Variants in MAK observed in about 807,000 individuals in gnomAD.
The protein encoded by MAK is male germ cell associated kinase, also known as serine/threonine-protein kinase MAK.
A neutral mutation model predicts 82.6 loss-of-function variants in MAK; 65 were observed. The ratio of observed to expected loss-of-function variants is 0.79; its 90% CI spans 0.64 to 0.97. The LOEUF is 0.97. Among genes scored for constraint, MAK ranks in the 50% least tolerant of loss-of-function variants. The pLI is 0.00. For missense variants in MAK, 703 were observed against 780.2 expected, an observed-to-expected ratio of 0.90 and a Z score of 1.18; for synonymous variants, 250 against 274.2, an observed-to-expected ratio of 0.91 and a Z score of 0.87.
rs114432772 is a variant in MAK at position 10,809,001 on chromosome 6, A to G, written c.359-59T>C. The stretch of plus-strand genomic sequence containing the variant: ...AATCATTACGTTTAAACATAGCTTT[A>G]TTTGATTTATAAACAAAATATAAAT... On this transcript the variant is annotated intron_variant, in intron 5 of 14. Coordinates refer to ENST00000354489, the MANE Select transcript of MAK (RefSeq NM_001242957.3). The G allele has an allele frequency of 5.6e-3, 7,896 of 1,418,628 alleles. 171 individuals carry two copies. The highest frequency in any genetic ancestry group is 0.046 in the African/African-American group (3,260 of 70,846). The allele number at this position is 1,418,628 out of a possible 1,614,324, so 87.9% of individuals were successfully genotyped here.
At chr6:10,780,808 C>A (rs1368331154) in intron 11 of MAK, among the ~76,000 whole-genome samples, 1 of 152,094 alleles carries the variant, frequency 6.6e-6, no homozygotes, top group Non-Finnish European at 1.5e-5. Flanking sequence ...CTCTCATGAA[C>A]CTATGTTTTG....
chr6:10,814,815 G>A (rs985776353), intron 4 of MAK, among the ~76,000 whole-genome samples: 2 of 152,204 alleles, frequency 1.3e-5, no homozygotes, highest in African/African-American at 4.8e-5. Context: ...GGAGGCCAAG[G>A]TGGGTGGAGG....
intron 11 of MAK, among the ~76,000 whole-genome samples, chr6:10,775,715 T>C (rs1773404914): frequency 6.6e-6 from 1 of 152,230 alleles, no homozygotes; most frequent in South Asian, 2.1e-4. Flanking sequence ...TAACACTTGA[T>C]GTTCTTGCTA....
chr6:10,766,771 T>A (rs1772478428), intron 14 of MAK, among the ~76,000 whole-genome samples: 1 of 152,058 alleles, frequency 6.6e-6, no homozygotes, highest in Non-Finnish European at 1.5e-5. Flanking sequence ...GGCTAATGGG[T>A]GTGGCTCTGA....
chr6:10,825,702 T>C (rs887717098), intron 2 of MAK, among the ~76,000 whole-genome samples: 7 of 152,046 alleles, frequency 4.6e-5, no homozygotes, highest in Non-Finnish European at 1.5e-5. Flanking sequence ...TAAGCCAGAA[T>C]CCCAGGAGTT....
intron 11 of MAK, chr6:10,779,253 G>A (rs1472278360): frequency 4.8e-6 from 4 of 836,834 alleles, no homozygotes; most frequent in Non-Finnish European, 5.8e-6. Context: ...AGAGGGCACT[G>A]CTGAGAGATT....
Position 10,829,517 on chromosome 6 carries a change from G to A in MAK, c.101+1031C>T, listed in dbSNP as rs566230314. 1.9e-4 allele frequency among the ~76,000 whole-genome samples: 29 copies of A among 152,260 alleles called. No homozygotes were observed. The South Asian group carries it at 4.8e-3, about 25-fold the overall frequency. Reference sequence around the variant, plus strand: ...GGAAGTCAGGACTGCAGTGAGCCATGATCACACCACTGCACGCCAGCCTGG... The same window carrying A: ...GGAAGTCAGGACTGCAGTGAGCCATAATCACACCACTGCACGCCAGCCTGG... On this transcript the variant is annotated intron_variant, in intron 2 of 14. Coordinates refer to ENST00000354489, the MANE Select transcript of MAK (RefSeq NM_001242957.3).
chr6:10,830,940 G>T, intron 1 of MAK, 63 bp from the exon 2 acceptor site: 1 of 387,498 alleles, frequency 2.6e-6, no homozygotes, highest in South Asian at 2.4e-5. Context: ...AAATTGTACT[G>T]GCAACTTAGA....
At chr6:10,788,862 A>G (rs1158101449) in intron 10 of MAK, among the ~76,000 whole-genome samples, 1 of 152,246 alleles carries the variant, frequency 6.6e-6, no homozygotes, top group Non-Finnish European at 1.5e-5. Context: ...ACATCTTTAA[A>G]TAGACATCTA....
chr6:10,783,938 A>G (rs1308245986), intron 11 of MAK, among the ~76,000 whole-genome samples: 4 of 151,992 alleles, frequency 2.6e-5, no homozygotes, highest in Non-Finnish European at 5.9e-5. Flanking sequence ...AGAATGGCTT[A>G]AACCTGGGAG....
intron 9 of MAK, among the ~76,000 whole-genome samples, chr6:10,794,776 T>C (rs1413179397): frequency 6.6e-6 from 1 of 152,124 alleles, no homozygotes; most frequent in African/African-American, 2.4e-5. Context: ...GTGGATCACC[T>C]GAGGTCAGGA....
intron 10 of MAK, 108 bp from the exon 11 acceptor site, chr6:10,784,680 T>C (rs1463744736): frequency 1.0e-6 from 1 of 978,310 alleles, no homozygotes; most frequent in Admixed American, 1.8e-5. Flanking sequence ...CCAGTCAATC[T>C]GACCTCACTT....
chr6:10,826,173 C>T (rs1241945200), intron 2 of MAK, among the ~76,000 whole-genome samples: 2 of 152,140 alleles, frequency 1.3e-5, no homozygotes, highest in Non-Finnish European at 2.9e-5. Context: ...CCCAGTTAGG[C>T]CCTCACACAC....
Position 10,802,027 on chromosome 6 carries a change from G to A in MAK, c.696C>T (p.Ser232=). 1 of 1,614,144 alleles carries A rather than the reference G, an allele frequency of 6.2e-7. No individual in the cohort carries two copies. Among genetic ancestry groups the A allele is most frequent in the Non-Finnish European group, 8.5e-7 (1 of 1,180,016 alleles). ...ACTGGGGAAAACGGAAGTTCATAGA[G>A]GATGCCAGCTGGTATCCTTCTGGCC... ...SDWPEGYQLA[S]SMNFRFPQCV... The change falls in exon 8 of 15, where the codon TCC becomes TCT. Residue 232 remains serine, a synonymous_variant. Transcript: ENST00000354489.
chr6:10,764,247 T>C lies in MAK; in HGVS notation c.*205A>G, dbSNP rs1320428861. The C allele has an allele frequency of 1.7e-6, 1 of 588,292 alleles. No individual in the cohort carries two copies. Among genetic ancestry groups the C allele is most frequent in the Non-Finnish European group, 3.0e-6 (1 of 331,788 alleles). The allele number at this position is 588,292 out of a possible 1,614,324, so 36.4% of individuals were successfully genotyped here. A position where few individuals can be genotyped will look rare whatever the true frequency, so the allele number is the denominator to read the frequency against. ...AATACTTTGTAACATCCTACCCATA[T>C]ATCAACACTGTGGGCAATGATGCTA... is the stretch of plus-strand genomic sequence containing the variant. On this transcript the variant is annotated 3_prime_UTR_variant, in exon 15 of 15. Coordinates refer to ENST00000354489, the MANE Select transcript of MAK (RefSeq NM_001242957.3).
intron 1 of MAK, 61 bp from the exon 2 acceptor site, chr6:10,830,938 C>T (rs17579987): frequency 0.014 from 5,682 of 395,098 alleles, 56 homozygotes; most frequent in Non-Finnish European, 0.021. Flanking sequence ...AAAAATTGTA[C>T]TGGCAACTTA....
chr6:10,821,733 G>T (rs1357687986), intron 2 of MAK, among the ~76,000 whole-genome samples: 1 of 152,146 alleles, frequency 6.6e-6, no homozygotes, highest in Non-Finnish European at 1.5e-5. Context: ...TACTCTGGAG[G>T]CTGAGGCAGG....
At chr6:10,781,421 A>ATTTT (rs1007040142) in intron 11 of MAK, among the ~76,000 whole-genome samples, 1 of 134,458 alleles carries the variant, frequency 7.4e-6, no homozygotes, top group South Asian at 2.4e-4. Context: ...TCAAAAGTAG[A>ATTTT]TTTTTTTTTT....
At position 10,764,191 on chromosome 6, in the gene MAK, A is replaced by G; in HGVS notation, c.*261T>C. The G allele has an allele frequency of 2.4e-6, 1 of 422,576 alleles. No individual in the cohort carries two copies. Among genetic ancestry groups the G allele is most frequent in the East Asian group, 4.2e-5 (1 of 23,576 alleles). 26.2% of individuals were successfully genotyped at this position (422,576 alleles called of 1,614,324 possible). The stretch of plus-strand genomic sequence containing the variant: ...TTACTATTTATTAAATTGTAGATCA[A>G]ATACTTCATACTTTGGCAAATAGTT... On this transcript the variant is annotated 3_prime_UTR_variant, in exon 15 of 15. Transcript: ENST00000354489.
Sources: allele counts gnomAD v4.1 joint callset (sites outside exome capture counted in the v4.1 genomes callset), GRCh38; gene constraint gnomAD v4.1.1; transcripts MANE v1.5; gene names NCBI Gene and HGNC (gene_info 2026-07-23, HGNC 2026-07-21).